LY75: variants seen among roughly 807,000 people sequenced by gnomAD.
LY75 encodes the protein lymphocyte antigen 75, also known as C-type lectin domain family 13 member B.
In LY75, 185 loss-of-function variants were observed where a neutral mutation model predicts 231.7. That is an observed-to-expected ratio of 0.80 (90% CI 0.71 to 0.90). The LOEUF is 0.90. Among genes scored for constraint, LY75 ranks in the 40% least tolerant of loss-of-function variants. The pLI, the probability that LY75 is intolerant of heterozygous loss-of-function variation, is 0.00. For missense variants in LY75, 1,947 were observed against 2,050.2 expected, an observed-to-expected ratio of 0.95 and a Z score of 0.97; for synonymous variants, 668 against 689.0, an observed-to-expected ratio of 0.97 and a Z score of 0.48.
intron 34 of LY75, 84 bp downstream of exon 34, chr2:159,806,889 A>G: frequency 1.4e-6 from 2 of 1,473,428 alleles, no homozygotes; most frequent in Non-Finnish European, 1.8e-6. Context: ...AAGACTAAAT[A>G]CAGAATTTTG....
chr2:159,901,176 A>G (rs891952834), intron 1 of LY75, among the ~76,000 whole-genome samples: 4 of 152,028 alleles, frequency 2.6e-5, no homozygotes, highest in African/African-American at 7.3e-5. Context: ...TTCCTCTGCC[A>G]TTTTCTACTT....
intron 34 of LY75, among the ~76,000 whole-genome samples, chr2:159,806,453 G>A (rs1446937302): frequency 6.6e-6 from 1 of 152,192 alleles, no homozygotes; most frequent in African/African-American, 2.4e-5. Context: ...CTCCAGAAAT[G>A]AAGTTAATAT....
At chr2:159,862,959 C>T (rs1684758168) in intron 14 of LY75, among the ~76,000 whole-genome samples, 2 of 151,842 alleles carry the variant, frequency 1.3e-5, no homozygotes, top group Admixed American at 1.3e-4. Context: ...AGTCCCCCAC[C>T]TCATCTGCCC....
chr2:159,815,373 T>C, intron 31 of LY75, 32 bp downstream of exon 31: 1 of 1,559,754 alleles, frequency 6.4e-7, no homozygotes, highest in East Asian at 2.3e-5. Flanking sequence ...CACATTTTCA[T>C]AAATGTACTG....
At chr2:159,834,537 T>C (rs1317750033) in intron 26 of LY75, among the ~76,000 whole-genome samples, 1 of 152,180 alleles carries the variant, frequency 6.6e-6, no homozygotes, top group Non-Finnish European at 1.5e-5. Context: ...TGTACAAACA[T>C]ATTCATTATT....
At chr2:159,864,754 G>T (rs1001265018) in intron 14 of LY75, 85 bp downstream of exon 14, 62 of 1,284,594 alleles carry the variant, frequency 4.8e-5, no homozygotes, top group Non-Finnish European at 5.3e-5. Flanking sequence ...TAAATTTTAG[G>T]TGTCAATGTA....
chr2:159,879,213 A>C, intron 9 of LY75, 46 bp downstream of exon 9: 2 of 1,580,536 alleles, frequency 1.3e-6, no homozygotes, highest in Non-Finnish European at 1.7e-6. Flanking sequence ...TCTAACCAAG[A>C]AGTTGTAATA....
rs746382082 is a variant in LY75, at chr2:159,805,071, C to T, written c.5142G>A (p.Glu1714=). ...VRYAQGVNED[E]IMLPSFHD ...AGTCATGGAAAGAAGGAAGCATAATCTCATCTTCATTCACTCCTTGTGCAT... is the reference window on the plus strand; with the variant it reads ...AGTCATGGAAAGAAGGAAGCATAATTTCATCTTCATTCACTCCTTGTGCAT... The change falls in exon 35 of 35, where the codon GAG becomes GAA. Residue 1714 remains glutamate (E), a synonymous_variant. Transcript: ENST00000263636. 6.2e-7 allele frequency: 1 copy of T among 1,614,032 alleles called. No homozygotes were observed. The highest frequency in any genetic ancestry group is 8.5e-7 in the Non-Finnish European group (1 of 1,179,938).
chr2:159,807,227 T>C (rs1682819144), intron 33 of LY75, 87 bp from the exon 34 acceptor site: 1 of 1,419,920 alleles, frequency 7.0e-7, no homozygotes, highest in East Asian at 2.3e-5. Context: ...ATCAGAACTG[T>C]GCTGTCCAAT....
At chr2:159,884,656 G>A (rs1181815933) in intron 6 of LY75, among the ~76,000 whole-genome samples, 3 of 152,128 alleles carry the variant, frequency 2.0e-5, no homozygotes, top group Non-Finnish European at 4.4e-5. Flanking sequence ...GCCTCATTAC[G>A]GAGGCATGAA....
chr2:159,853,274 G>C lies in LY75; in HGVS notation c.2742C>G (p.Ile914Met), dbSNP rs34442850. 1 of 1,610,792 alleles carries C rather than the reference G, an allele frequency of 6.2e-7. No individual in the cohort carries two copies. The highest frequency in any genetic ancestry group is 8.5e-7 in the Non-Finnish European group (1 of 1,177,600). Residue 914 changes from isoleucine to methionine, a missense_variant and splice_region_variant, in exon 20 of 35, where the codon ATC becomes ATG. Transcript: ENST00000263636. ...CLYMSAKTWL[I>M]DLGKPTDCST... ...TAAAGGATTTAGAATTAACTTTACCGATAAGCCAAGTCTTGGCAGACATGT... is the reference window on the plus strand; with the variant it reads ...TAAAGGATTTAGAATTAACTTTACCCATAAGCCAAGTCTTGGCAGACATGT...
At position 159,848,887 on chromosome 2, in the gene LY75, G is replaced by C. The variant is rs564015152; in HGVS notation, c.3150+1093C>G. ...CAGGAGAATGGAACAAAATAGAAGA[G>C]AACGAACATATCAGAGTGCATAAAT... On this transcript the variant is annotated intron_variant, in intron 23 of 34. Coordinates refer to ENST00000263636, the MANE Select transcript of LY75 (RefSeq NM_002349.4). Among the ~76,000 whole-genome samples, 9 of 152,186 alleles carry C rather than the reference G, an allele frequency of 5.9e-5. No individual in the cohort carries two copies. In the South Asian group the frequency reaches 1.9e-3, roughly 32 times the overall value.
chr2:159,888,502 A>G (rs1261012089), intron 4 of LY75, among the ~76,000 whole-genome samples: 1 of 152,206 alleles, frequency 6.6e-6, no homozygotes. Flanking sequence ...TTATCTAGTG[A>G]TAAAACATTT....
chr2:159,840,414 A>G (rs1683981931), intron 25 of LY75, among the ~76,000 whole-genome samples: 1 of 152,136 alleles, frequency 6.6e-6, no homozygotes, highest in South Asian at 2.1e-4. Flanking sequence ...TTTACAAAAA[A>G]TACAAAAATT....
At chr2:159,810,825 A>G (rs1368221466) in intron 31 of LY75, 150 bp from the exon 32 acceptor site, 1 of 1,151,774 alleles carries the variant, frequency 8.7e-7, no homozygotes, top group Non-Finnish European at 1.2e-6. Flanking sequence ...CACACTCTAT[A>G]AATACATATT....
chr2:159,851,913 AC>A (rs1684412002), intron 21 of LY75, among the ~76,000 whole-genome samples: 2 of 152,330 alleles, frequency 1.3e-5, no homozygotes, highest in South Asian at 4.1e-4. Flanking sequence ...GACAGTCCTG[AC>A]TATTCAATGC....
intron 15 of LY75, 136 bp downstream of exon 15, chr2:159,860,685 G>A: frequency 1.0e-6 from 1 of 1,002,064 alleles, no homozygotes; most frequent in Non-Finnish European, 1.5e-6. Flanking sequence ...TGAGGGCCAG[G>A]CCATGGGTGT....
At position 159,850,041 on chromosome 2, in the gene LY75, T is replaced by A; in HGVS notation, c.3089A>T (p.Glu1030Val). The A allele has an allele frequency of 6.2e-7, 1 of 1,613,982 alleles. No individual in the cohort carries two copies. Reference protein sequence around the residue: ...EKINKWTDNRELTYSNFHPLL... With the variant: ...EKINKWTDNRVLTYSNFHPLL... ...TGGGTGAAAGTTACTGTACGTCAGC[T>A]CTCTGTTATCTGTCCATTTGTTTAT... The change falls in exon 23 of 35, where the codon GAG becomes GTG. Residue 1030 changes from glutamate to valine, a missense_variant. Transcript: ENST00000263636.
At chr2:159,815,933 A>G (rs1333492127) in intron 30 of LY75, among the ~76,000 whole-genome samples, 1 of 152,112 alleles carries the variant, frequency 6.6e-6, no homozygotes, top group Non-Finnish European at 1.5e-5. Context: ...TGTTCTGAAT[A>G]TTGTTTTCTG....
Sources: gnomAD v4.1 joint callset for allele counts (sites outside exome capture counted in the v4.1 genomes callset) on GRCh38, gnomAD v4.1.1 for gene constraint, MANE v1.5 for transcripts, NCBI Gene and HGNC (gene_info 2026-07-23, HGNC 2026-07-21) for gene names.